MEGF6: variants seen among roughly 807,000 people sequenced by gnomAD.
The protein encoded by MEGF6 is multiple EGF like domains 6.
Under a neutral mutation model 207.1 loss-of-function variants are expected in MEGF6, and 184 were observed. The observed-to-expected ratio is 0.89, with a 90% confidence interval of 0.79 to 1.00. The LOEUF is 1.00. Among genes scored for constraint, MEGF6 ranks in the 50% least tolerant of loss-of-function variants. The pLI is 0.00. For missense variants in MEGF6, 2,282 were observed against 2,202.9 expected, an observed-to-expected ratio of 1.04 and a Z score of -0.72; for synonymous variants, 1,038 against 910.0, an observed-to-expected ratio of 1.14 and a Z score of -2.53.
chr1:3,621,040 G>A, the MEGF6 span, among the ~76,000 whole-genome samples: 1 of 152,248 alleles, frequency 6.6e-6, no homozygotes, highest in African/African-American at 2.4e-5. Context: ...CTAAAAGGCA[G>A]AGCCAGGTGT....
rs923429243 is a variant in MEGF6 at position 3,547,846 on chromosome 1, G to A, written c.482-23600C>T. Among the ~76,000 whole-genome samples, 7 of 152,196 alleles carry A rather than the reference G, an allele frequency of 4.6e-5. No individual in the cohort carries two copies. The South Asian group carries it at 1.4e-3, about 31-fold the overall frequency. ...GACTTCCCCCGGGACTTGGTCCTGGGCAGAGGCAGCGTCACTGCCTCCCCA... is the reference window on the plus strand; with the variant it reads ...GACTTCCCCCGGGACTTGGTCCTGGACAGAGGCAGCGTCACTGCCTCCCCA... On this transcript the variant is annotated intron_variant, in intron 4 of 36. Transcript: ENST00000356575.
intron 4 of MEGF6, among the ~76,000 whole-genome samples, chr1:3,535,004 G>A (rs1232220736): frequency 1.3e-5 from 2 of 152,168 alleles, no homozygotes; most frequent in African/African-American, 2.4e-5. Flanking sequence ...CAGGACTGGG[G>A]CCACAGAGGC....
intron 23 of MEGF6, 131 bp from the exon 24 acceptor site, chr1:3,499,397 C>G: frequency 1.4e-6 from 2 of 1,414,992 alleles, no homozygotes; most frequent in Non-Finnish European, 1.9e-6. Context: ...CTCCCTCTGG[C>G]TCAGGCCACC....
chr1:3,573,869 C>T lies in MEGF6; in HGVS notation c.481+5956G>A, dbSNP rs1643575524. On this transcript the variant is annotated intron_variant, in intron 4 of 36. Transcript: ENST00000356575. The surrounding 1 kb of genome is among the most constrained non-coding windows in gnomAD (Gnocchi z 5.1). ...TGAAAGGCAGTGGGGAGGGCCGCTT[C>T]CTCTCCATTAATCAATGGTCCCAGT... Among the ~76,000 whole-genome samples the T allele has an allele frequency of 1.3e-5, 2 of 152,158 alleles. No homozygotes were observed. Among genetic ancestry groups the T allele is most frequent in the Admixed American group, 1.3e-4 (2 of 15,282 alleles).
At chr1:3,567,495 C>G (rs1364129034) in intron 4 of MEGF6, among the ~76,000 whole-genome samples, 1 of 152,126 alleles carries the variant, frequency 6.6e-6, no homozygotes, top group African/African-American at 2.4e-5. Flanking sequence ...CTGCGTGTGG[C>G]GGGGATCCCT....
chr1:3,597,890 G>A (rs1406260331), intron 2 of MEGF6, among the ~76,000 whole-genome samples: 7 of 152,214 alleles, frequency 4.6e-5, no homozygotes, highest in East Asian at 1.9e-4. Flanking sequence ...ACAGCTCACC[G>A]CGTGGTACCT....
chr1:3,533,674 C>T (rs1642243075), intron 4 of MEGF6, among the ~76,000 whole-genome samples: 1 of 152,178 alleles, frequency 6.6e-6, no homozygotes, highest in Admixed American at 6.5e-5. Context: ...GACCGGCCAC[C>T]CTGCGAGCGA....
In MEGF6 at chr1:3,602,447, C is replaced by T. The variant is rs765705973; in HGVS notation, c.266+19G>A. 3 of 1,613,122 alleles carry T rather than the reference C, an allele frequency of 1.9e-6. No homozygotes were observed. The highest frequency in any genetic ancestry group is 1.1e-5 in the South Asian group (1 of 91,074). On this transcript the variant is annotated intron_variant, in intron 2 of 36. Coordinates refer to ENST00000356575, the MANE Select transcript of MEGF6 (RefSeq NM_001409.4). ...TGTGTGAATGGAGCCCCTCCCCCAACACGGGCCCCTGCACTTACCTCCGCT... is the reference window on the plus strand; with the variant it reads ...TGTGTGAATGGAGCCCCTCCCCCAATACGGGCCCCTGCACTTACCTCCGCT...
At chr1:3,532,606 A>T (rs1317290954) in intron 4 of MEGF6, among the ~76,000 whole-genome samples, 1 of 152,214 alleles carries the variant, frequency 6.6e-6, no homozygotes, top group Non-Finnish European at 1.5e-5. Flanking sequence ...GTTCCCAGAG[A>T]TGCAGCCTGT....
chr1:3,602,197 G>A (rs1017870361), intron 2 of MEGF6, among the ~76,000 whole-genome samples: 13 of 152,134 alleles, frequency 8.5e-5, no homozygotes, highest in Non-Finnish European at 1.3e-4. Context: ...GCATCCTCCC[G>A]GGCTGGGCCC....
Position 3,503,695 on chromosome 1 carries a change from A to C in MEGF6, c.2188+1513T>G, listed in dbSNP as rs1278039876. ...GTATGTGTGTGTAAGCAGTGTGTGCATGTATGTGTGTATGTGTGTGTAAGT... is the reference window on the plus strand; with the variant it reads ...GTATGTGTGTGTAAGCAGTGTGTGCCTGTATGTGTGTATGTGTGTGTAAGT... On this transcript the variant is annotated intron_variant, in intron 17 of 36. Coordinates refer to ENST00000356575, the MANE Select transcript of MEGF6 (RefSeq NM_001409.4). Among the ~76,000 whole-genome samples, 2 of 137,756 alleles carry C rather than the reference A, an allele frequency of 1.5e-5. 1 individual carries two copies. The highest frequency in any genetic ancestry group is 5.2e-4 in the South Asian group (2 of 3,882). 90.4% of individuals were successfully genotyped at this position (137,756 alleles called of 152,430 possible).
At chr1:3,576,113 A>C (rs1447745061) in intron 4 of MEGF6, among the ~76,000 whole-genome samples, 1 of 152,352 alleles carries the variant, frequency 6.6e-6, no homozygotes, top group East Asian at 1.9e-4. Flanking sequence ...GCTGGCCCTG[A>C]CTGTGACTGC....
the MEGF6 span, among the ~76,000 whole-genome samples, chr1:3,617,722 T>A: frequency 6.6e-6 from 1 of 152,244 alleles, no homozygotes; most frequent in Non-Finnish European, 1.5e-5. Context: ...GATGAGAGCA[T>A]CCTGGATTTT....
intron 10 of MEGF6, 91 bp downstream of exon 10, chr1:3,510,692 C>T: frequency 6.7e-7 from 1 of 1,483,684 alleles, no homozygotes; most frequent in East Asian, 2.4e-5. Flanking sequence ...CCATGCCCAC[C>T]ATGGGGGTAC....
At chr1:3,577,456 G>A (rs1393165253) in intron 4 of MEGF6, among the ~76,000 whole-genome samples, 1 of 152,266 alleles carries the variant, frequency 6.6e-6, no homozygotes, top group Non-Finnish European at 1.5e-5. Context: ...GGCTGCTTGT[G>A]AGCTGAGCAC....
chr1:3,530,247 G>T (rs899666518), intron 4 of MEGF6, among the ~76,000 whole-genome samples: 1 of 152,238 alleles, frequency 6.6e-6, no homozygotes, highest in African/African-American at 2.4e-5. Flanking sequence ...CACACTGAGG[G>T]CGTGGTGCTT....
chr1:3,608,211 C>A (rs1644279466), intron 1 of MEGF6, among the ~76,000 whole-genome samples: 1 of 152,138 alleles, frequency 6.6e-6, no homozygotes, highest in Admixed American at 6.5e-5. Context: ...GTTGGGGGAG[C>A]CCAGCTCCTG....
At chr1:3,586,886 C>G (rs750739362) in intron 3 of MEGF6, among the ~76,000 whole-genome samples, 2 of 152,204 alleles carry the variant, frequency 1.3e-5, no homozygotes, top group Non-Finnish European at 2.9e-5. Flanking sequence ...CAGGCCTCAC[C>G]CTGGCACCCC....
chr1:3,536,850 C>G (rs1642343838), intron 4 of MEGF6, among the ~76,000 whole-genome samples: 1 of 152,234 alleles, frequency 6.6e-6, no homozygotes, highest in African/African-American at 2.4e-5. Context: ...GAACTTCAGG[C>G]AAAACCAGAG....
Sources: gnomAD v4.1 joint callset for allele counts (sites outside exome capture counted in the v4.1 genomes callset) on GRCh38, gnomAD v4.1.1 for gene constraint, Gnocchi (gnomAD v3.1) non-coding constraint, MANE v1.5 for transcripts, NCBI Gene and HGNC (gene_info 2026-07-23, HGNC 2026-07-21) for gene names.